COL5A2: variants seen among roughly 807,000 people sequenced by gnomAD.
COL5A2 encodes the protein collagen alpha-2(V) chain.
A neutral mutation model predicts 208.2 loss-of-function variants in COL5A2; 23 were observed. The ratio of observed to expected loss-of-function variants is 0.11; its 90% CI spans 0.08 to 0.16. The LOEUF (loss-of-function observed/expected upper bound fraction) is 0.16. Among genes scored for constraint, COL5A2 ranks in the 10% least tolerant of loss-of-function variants. COL5A2 has a pLI of 1.00. For synonymous variants in COL5A2, 625 were observed against 628.5 expected, an observed-to-expected ratio of 0.99 and a Z score of 0.08; for missense variants, 1,590 against 1,956.4, an observed-to-expected ratio of 0.81 and a Z score of 3.53.
chr2:189,099,730 T>G (rs1490297442), intron 4 of COL5A2, among the ~76,000 whole-genome samples: 1 of 152,184 alleles, frequency 6.6e-6, no homozygotes, highest in East Asian at 1.9e-4. Context: ...TTTAAAGAAG[T>G]CTTAGGAATT....
At chr2:189,173,208 A>C (rs561512548) in intron 1 of COL5A2, among the ~76,000 whole-genome samples, 30 of 152,180 alleles carry the variant, frequency 2.0e-4, no homozygotes, top group African/African-American at 7.2e-4. Flanking sequence ...TCCTGACCTC[A>C]GGTGATCCGC....
intron 45 of COL5A2, 69 bp from the exon 46 acceptor site, chr2:189,045,976 G>T: frequency 7.4e-7 from 1 of 1,348,092 alleles, no homozygotes; most frequent in Non-Finnish European, 1.1e-6. Flanking sequence ...ATATGTTCAT[G>T]TTATTCTTAT....
chr2:189,179,962 G>A, upstream of COL5A2: 2 of 483,288 alleles, frequency 4.1e-6, no homozygotes, highest in South Asian at 8.9e-5. Context: ...AAGCATAGAT[G>A]GGGCTTAATA....
chr2:189,203,789 T>C (rs1334138217), intron 1 of COL5A2, among the ~76,000 whole-genome samples: 2 of 152,206 alleles, frequency 1.3e-5, no homozygotes, highest in Non-Finnish European at 2.9e-5. Context: ...AAGTGAAATA[T>C]CTCACACTGA....
intron 3 of COL5A2, among the ~76,000 whole-genome samples, chr2:189,103,391 G>C: frequency 6.6e-6 from 1 of 152,070 alleles, no homozygotes; most frequent in South Asian, 2.1e-4. Context: ...TGAATGTGTA[G>C]CATTGCTTTA....
the COL5A2 span, among the ~76,000 whole-genome samples, chr2:189,402,205 G>T: frequency 6.6e-6 from 1 of 151,738 alleles, no homozygotes; most frequent in Non-Finnish European, 1.5e-5. Flanking sequence ...TTAGGTTTTT[G>T]TTGTTGTCGT....
intron 51 of COL5A2, among the ~76,000 whole-genome samples, chr2:189,037,993 T>A (rs977467480): frequency 2.0e-5 from 3 of 152,226 alleles, no homozygotes; most frequent in Admixed American, 6.5e-5. Context: ...TGAAACTGGA[T>A]TATTAATAGG....
At chr2:189,324,936 G>A in the COL5A2 span, among the ~76,000 whole-genome samples, 1 of 152,144 alleles carries the variant, frequency 6.6e-6, no homozygotes, top group African/African-American at 2.4e-5. Context: ...AACAATGATA[G>A]ACTGGATTAA....
intron 8 of COL5A2, among the ~76,000 whole-genome samples, chr2:189,087,891 G>A (rs1686699172): frequency 6.6e-6 from 1 of 151,154 alleles, no homozygotes; most frequent in Admixed American, 6.6e-5. Context: ...ATAAAAACAT[G>A]CAACTCAAAA....
the COL5A2 span, among the ~76,000 whole-genome samples, chr2:189,278,896 A>G: frequency 1.3e-5 from 2 of 151,998 alleles, no homozygotes; most frequent in Non-Finnish European, 2.9e-5. Flanking sequence ...TTTCATAACT[A>G]TCATCTCTAA....
At chr2:189,282,784 T>G in the COL5A2 span, among the ~76,000 whole-genome samples, 1 of 152,152 alleles carries the variant, frequency 6.6e-6, no homozygotes, top group Non-Finnish European at 1.5e-5. Context: ...AGTAGAATAT[T>G]GAGCACAAGA....
chr2:189,183,968 A>G (rs764067735), upstream of COL5A2, among the ~76,000 whole-genome samples: 13 of 152,160 alleles, frequency 8.5e-5, no homozygotes, highest in Non-Finnish European at 1.9e-4. Flanking sequence ...TCATTTAACA[A>G]ATATTTATTG....
intron 1 of COL5A2, among the ~76,000 whole-genome samples, chr2:189,119,759 A>G (rs2105732663): frequency 6.6e-6 from 1 of 152,232 alleles, no homozygotes; most frequent in Non-Finnish European, 1.5e-5. Context: ...TCTTGCTAAT[A>G]CAGTCATTAG....
chr2:189,369,531 C>G, the COL5A2 span, among the ~76,000 whole-genome samples: 4 of 151,886 alleles, frequency 2.6e-5, no homozygotes, highest in African/African-American at 9.7e-5. Context: ...TGAGATTATT[C>G]AAACTCCTGA....
chr2:189,432,493 C>T, the COL5A2 span, among the ~76,000 whole-genome samples: 1 of 152,034 alleles, frequency 6.6e-6, no homozygotes, highest in Non-Finnish European at 1.5e-5. Flanking sequence ...GAAGACCTAC[C>T]AAGCAAATGG....
the COL5A2 span, among the ~76,000 whole-genome samples, chr2:189,381,641 T>C: frequency 7.9e-5 from 12 of 152,180 alleles, no homozygotes; most frequent in African/African-American, 2.6e-4. Flanking sequence ...AAGAGGGTAG[T>C]AGGTAGATAA....
chr2:189,048,345 GT>G, intron 44 of COL5A2, 83 bp from the exon 45 acceptor site: 1 of 1,215,306 alleles, frequency 8.2e-7, no homozygotes, highest in Non-Finnish European at 1.2e-6. Context: ...ATGACAGCAT[GT>G]TTTACACCTG....
chr2:189,287,915 C>T, the COL5A2 span, among the ~76,000 whole-genome samples: 2 of 152,222 alleles, frequency 1.3e-5, no homozygotes, highest in South Asian at 2.1e-4. Flanking sequence ...ATGTCTCACA[C>T]ATTTCAAAAA....
intron 1 of COL5A2, among the ~76,000 whole-genome samples, chr2:189,142,030 A>G (rs570573852): frequency 1.3e-3 from 202 of 152,244 alleles, no homozygotes; most frequent in African/African-American, 4.6e-3. Flanking sequence ...TGATATAATC[A>G]AGAACTAGAT....
Sources: allele counts gnomAD v4.1 joint callset (sites outside exome capture counted in the v4.1 genomes callset), GRCh38; gene constraint gnomAD v4.1.1; transcripts MANE v1.5; gene names NCBI Gene and HGNC (gene_info 2026-07-23, HGNC 2026-07-21).